RELN: variants seen among roughly 807,000 people sequenced by gnomAD.
RELN encodes the protein reelin.
RELN carries 108 observed loss-of-function variants against 427.6 expected under a neutral mutation model. The observed-to-expected ratio is 0.25, with a 90% confidence interval of 0.22 to 0.30. RELN has a LOEUF of 0.30. Ranked by LOEUF, RELN falls within the 10% of genes least tolerant of loss-of-function variation. The pLI, the probability that RELN is intolerant of heterozygous loss-of-function variation, is 1.00. For synonymous variants in RELN, 1,524 were observed against 1,513.4 expected, an observed-to-expected ratio of 1.01 and a Z score of -0.16; for missense variants, 3,715 against 4,302.8, an observed-to-expected ratio of 0.86 and a Z score of 3.82.
intron 36 of RELN, among the ~76,000 whole-genome samples, chr7:103,558,941 T>G (rs1019570953): frequency 6.6e-6 from 1 of 152,200 alleles, no homozygotes. Flanking sequence ...AGAGAACATT[T>G]TCCTCTTCTT....
At chr7:103,579,599 C>CAAA (rs34750174) in intron 28 of RELN, among the ~76,000 whole-genome samples, 43 of 64,786 alleles carry the variant, frequency 6.6e-4, no homozygotes, top group African/African-American at 2.1e-3. Context: ...ACTCCATCTC[C>CAAA]AAAAAAAAAA....
intron 3 of RELN, among the ~76,000 whole-genome samples, chr7:103,827,313 A>G (rs1211943557): frequency 1.3e-5 from 2 of 151,928 alleles, no homozygotes; most frequent in South Asian, 2.1e-4. Flanking sequence ...TGTTTATACC[A>G]TGACTTCTTG....
At chr7:103,621,452 C>T (rs1477958768) in intron 20 of RELN, among the ~76,000 whole-genome samples, 1 of 152,128 alleles carries the variant, frequency 6.6e-6, no homozygotes, top group African/African-American at 2.4e-5. Flanking sequence ...GGACTTTTCC[C>T]AGTCTCCTGG....
Position 103,535,360 on chromosome 7 carries a change from G to T in RELN, c.7305C>A (p.Phe2435Leu). The change falls in exon 46 of 65, where the codon TTC becomes TTA. Residue 2435 changes from phenylalanine (F) to leucine (L), a missense_variant. Physicochemically the swap from Phe to Leu is conservative, Grantham distance 22. Transcript: ENST00000428762. ...HLQRILVSDTFNKWTRITLPL... is the reference protein window; with the variant it reads ...HLQRILVSDTLNKWTRITLPL... ...GCAGAGTGATTCTAGTCCACTTGTTGAAAGTGTCTGACACCAGGATCCGTT... is the reference window on the plus strand; with the variant it reads ...GCAGAGTGATTCTAGTCCACTTGTTTAAAGTGTCTGACACCAGGATCCGTT... The T allele has an allele frequency of 6.2e-7, 1 of 1,614,080 alleles. No individual in the cohort carries two copies. Among genetic ancestry groups the T allele is most frequent in the Non-Finnish European group, 8.5e-7 (1 of 1,179,968 alleles).
chr7:103,698,535 A>G (rs1377165301), intron 9 of RELN, among the ~76,000 whole-genome samples: 2 of 152,150 alleles, frequency 1.3e-5, no homozygotes, highest in African/African-American at 2.4e-5. Flanking sequence ...TTTTTTTGAG[A>G]CAGGGTCTTG....
intron 4 of RELN, among the ~76,000 whole-genome samples, chr7:103,760,025 A>ATTTTTTTTT (rs1791258891): frequency 1.9e-5 from 1 of 54,004 alleles, no homozygotes; most frequent in Admixed American, 2.1e-4. Context: ...TTTTTTTTAC[A>ATTTTTTTTT]TCTTAGCATT....
chr7:103,901,987 G>A (rs1175641953), intron 2 of RELN, among the ~76,000 whole-genome samples: 2 of 151,904 alleles, frequency 1.3e-5, no homozygotes, highest in Non-Finnish European at 2.9e-5. Context: ...TTTTCCATGT[G>A]AGACTTATTA....
chr7:103,603,596 C>T lies in RELN; in HGVS notation c.3147-106G>A. On this transcript the variant is annotated intron_variant, in intron 23 of 64. Transcript: ENST00000428762. The surrounding 1 kb of genome is among the most constrained non-coding windows in gnomAD (Gnocchi z 4.3). ...TGTCTTACTTTTGCTCAGGTCTTAT[C>T]ATTCACACTAGATTCTTCCCTACAG... The T allele has an allele frequency of 2.3e-6, 2 of 856,276 alleles. No homozygotes were observed. Among genetic ancestry groups the T allele is most frequent in the South Asian group, 1.4e-5 (1 of 73,048 alleles). 53.0% of individuals were successfully genotyped at this position (856,276 alleles called of 1,614,324 possible).
In RELN at chr7:103,620,507, C is replaced by G. The variant is rs1430889058; in HGVS notation, c.2703-8704G>C. On this transcript the variant is annotated intron_variant, in intron 20 of 64. Transcript: ENST00000428762. The surrounding 1 kb of genome is among the most constrained non-coding windows in gnomAD (Gnocchi z 4.1). ...TTTTTTTTTTGAGATAGAGTCTCGT[C>G]TGTCGCCCAGGCTGGAGTAACAGTG... 6.9e-6 allele frequency among the ~76,000 whole-genome samples: 1 copy of G among 145,476 alleles called. No individual in the cohort carries two copies. The highest frequency in any genetic ancestry group is 1.5e-5 in the Non-Finnish European group (1 of 67,160).
intron 41 of RELN, among the ~76,000 whole-genome samples, chr7:103,548,355 C>A (rs1340065276): frequency 6.6e-6 from 1 of 152,166 alleles, no homozygotes; most frequent in African/African-American, 2.4e-5. Flanking sequence ...CTTTTAGCAT[C>A]CAGCACTTGT....
At chr7:103,650,653 T>G (rs568188584) in intron 15 of RELN, among the ~76,000 whole-genome samples, 1 of 152,260 alleles carries the variant, frequency 6.6e-6, no homozygotes, top group South Asian at 2.1e-4. Flanking sequence ...AGAGACAGGG[T>G]CTTGCTCTGT....
At chr7:103,957,309 G>A (rs1477415137) in intron 1 of RELN, among the ~76,000 whole-genome samples, 1 of 152,216 alleles carries the variant, frequency 6.6e-6, no homozygotes, top group African/African-American at 2.4e-5. Context: ...GAATGAAAAT[G>A]AGTGGTGTTG....
chr7:103,962,009 G>T (rs1268233463), intron 1 of RELN, among the ~76,000 whole-genome samples: 2 of 152,252 alleles, frequency 1.3e-5, no homozygotes, highest in East Asian at 3.9e-4. Flanking sequence ...CCTTCTCAAA[G>T]TTCTCTTTCT....
At chr7:103,833,112 G>A (rs1793314760) in intron 3 of RELN, among the ~76,000 whole-genome samples, 1 of 151,938 alleles carries the variant, frequency 6.6e-6, no homozygotes, top group Non-Finnish European at 1.5e-5. Context: ...TTTTTGTGAT[G>A]TGAATGTTTA....
intron 8 of RELN, among the ~76,000 whole-genome samples, chr7:103,701,207 A>C (rs891688689): frequency 1.3e-5 from 2 of 152,254 alleles, no homozygotes; most frequent in Admixed American, 6.5e-5. Flanking sequence ...ACCAGAAAAA[A>C]AGGTAAAAGA....
intron 2 of RELN, among the ~76,000 whole-genome samples, chr7:103,886,270 G>A (rs893657024): frequency 5.3e-5 from 8 of 152,164 alleles, no homozygotes; most frequent in Non-Finnish European, 1.2e-4. Context: ...TAATAGGATA[G>A]AGAACTCATT....
intron 3 of RELN, among the ~76,000 whole-genome samples, chr7:103,810,130 A>G (rs262378): frequency 0.95 from 144,129 of 152,224 alleles, 68,459 homozygotes; most frequent in South Asian, 1. Flanking sequence ...TGCTGTTATC[A>G]TTGCCCTTCT....
chr7:103,736,788 A>T (rs1445194810), intron 6 of RELN, among the ~76,000 whole-genome samples: 1 of 152,210 alleles, frequency 6.6e-6, no homozygotes, highest in Admixed American at 6.6e-5. Flanking sequence ...TAAAGCAGAA[A>T]TTAAACAAGG....
intron 6 of RELN, among the ~76,000 whole-genome samples, chr7:103,746,390 T>G (rs927535650): frequency 6.6e-6 from 1 of 152,014 alleles, no homozygotes; most frequent in Non-Finnish European, 1.5e-5. Context: ...CCAAAAGCAA[T>G]GGCAACAAAA....
Sources: gnomAD v4.1 joint callset for allele counts (sites outside exome capture counted in the v4.1 genomes callset) on GRCh38, gnomAD v4.1.1 for gene constraint, Gnocchi (gnomAD v3.1) non-coding constraint, MANE v1.5 for transcripts, NCBI Gene and HGNC (gene_info 2026-07-23, HGNC 2026-07-21) for gene names.